The following DPH6 variants were observed in gnomAD, a reference collection of about 807,000 sequenced individuals.
The protein encoded by DPH6 is diphthamine biosynthesis 6.
DPH6 carries 33 observed loss-of-function variants against 38.2 expected under a neutral mutation model. That is an observed-to-expected ratio of 0.86 (90% CI 0.65 to 1.15). The LOEUF is 1.15. Ranked by LOEUF, DPH6 falls within the 50% of genes most tolerant of loss-of-function variation. The pLI is 0.00. For synonymous variants in DPH6, 108 were observed against 103.0 expected (o/e 1.05, Z -0.30); for missense variants, 325 against 320.0 (o/e 1.02, Z -0.12).
At chr15:35,168,180 C>T in the DPH6 span, among the ~76,000 whole-genome samples, 4 of 152,114 alleles carry the variant, frequency 2.6e-5, no homozygotes, top group East Asian at 7.7e-4. Flanking sequence ...AATTTTAATA[C>T]TGACAATTTT....
chr15:35,284,495 GAA>G (rs955902761), intron 3 of DPH6, among the ~76,000 whole-genome samples: 3 of 151,306 alleles, frequency 2.0e-5, no homozygotes, highest in African/African-American at 4.8e-5. Flanking sequence ...TTAATGAAAA[GAA>G]AAAAGTGAGA....
chr15:35,242,894 C>T lies in DPH6; in HGVS notation n.201-22312G>A, dbSNP rs1469248715. 7.7e-5 allele frequency among the ~76,000 whole-genome samples: 11 copies of T among 142,382 alleles called. 1 individual carries two copies. Among genetic ancestry groups the T allele is most frequent in the Non-Finnish European group, 1.2e-4 (8 of 65,182 alleles). The allele number at this position is 142,382 out of a possible 152,430, so 93.4% of individuals were successfully genotyped here. Reference sequence around the variant, plus strand: ...TATTCACCGTTCTCAACTACTCATACATGCCCTGCTCTTGTTTACACTGCC... The same window carrying T: ...TATTCACCGTTCTCAACTACTCATATATGCCCTGCTCTTGTTTACACTGCC... On this transcript the variant is annotated intron_variant and non_coding_transcript_variant, in intron 3 of 3. Coordinates refer to the DPH6 transcript ENST00000560386.
At chr15:35,179,784 A>C in the DPH6 span, among the ~76,000 whole-genome samples, 1 of 152,208 alleles carries the variant, frequency 6.6e-6, no homozygotes, top group African/African-American at 2.4e-5. Flanking sequence ...GGGAGACAAG[A>C]CCAGCTCTAT....
At chr15:35,507,132 TA>T (rs1361766096) in intron 3 of DPH6, among the ~76,000 whole-genome samples, 1 of 151,490 alleles carries the variant, frequency 6.6e-6, no homozygotes, top group Non-Finnish European at 1.5e-5. Context: ...AATCAGACAG[TA>T]ATATCTATAT....
Position 35,515,708 on chromosome 15 carries a change from G to A in DPH6, c.312+22566C>T, listed in dbSNP as rs184622110. Among the ~76,000 whole-genome samples, 283 of 123,842 alleles carry A rather than the reference G, an allele frequency of 2.3e-3. 3 individuals are homozygous for A. Among genetic ancestry groups the A allele is most frequent in the African/African-American group, 8.3e-3 (269 of 32,472 alleles). 81.2% of individuals were successfully genotyped at this position (123,842 alleles called of 152,430 possible). ...TACACTCTGGCCTGGGCGTCAGAGC[G>A]AGACTCCGTCTCAGAAAAAAAAAAA... On this transcript the variant is annotated intron_variant, in intron 3 of 8. Coordinates refer to ENST00000256538, the MANE Select transcript of DPH6 (RefSeq NM_080650.4).
In DPH6 at chr15:35,397,689, A is replaced by T. The variant is rs116748281; in HGVS notation, c.567+13146T>A. On this transcript the variant is annotated intron_variant, in intron 6 of 8. Transcript: ENST00000256538. ...GAGGGAAAGAAAAAGGGCACTAATT[A>T]ACAAGCAGTCAGATTCTTAGGTCCC... 4.7e-3 allele frequency among the ~76,000 whole-genome samples: 710 copies of T among 152,194 alleles called. 5 individuals carry two copies. Among genetic ancestry groups the T allele is most frequent in the African/African-American group, 0.016 (675 of 41,526 alleles).
At chr15:35,194,322 TA>T in the DPH6 span, among the ~76,000 whole-genome samples, 1 of 151,856 alleles carries the variant, frequency 6.6e-6, no homozygotes, top group African/African-American at 2.4e-5. Flanking sequence ...AAAGATAATA[TA>T]TGAATACAGG....
At chr15:35,542,976 C>A (rs1316838297) in intron 1 of DPH6, among the ~76,000 whole-genome samples, 9 of 17,052 alleles carry the variant, frequency 5.3e-4, no homozygotes, top group South Asian at 3.6e-3. Context: ...AAAATAATTT[C>A]ATAGAAATTA....
chr15:35,260,698 T>C (rs1824726735), intron 3 of DPH6, among the ~76,000 whole-genome samples: 1 of 152,198 alleles, frequency 6.6e-6, no homozygotes, highest in South Asian at 2.1e-4. Flanking sequence ...CCTACTTCTT[T>C]TTTTTACCTC....
chr15:35,363,135 C>G (rs896990745), intron 3 of DPH6, among the ~76,000 whole-genome samples: 1 of 151,912 alleles, frequency 6.6e-6, no homozygotes, highest in Non-Finnish European at 1.5e-5. Flanking sequence ...CATTGTGTTT[C>G]TATGTTTGTA....
chr15:35,256,838 T>C (rs1312095288), intron 3 of DPH6, among the ~76,000 whole-genome samples: 1 of 152,168 alleles, frequency 6.6e-6, no homozygotes, highest in Non-Finnish European at 1.5e-5. Context: ...AGCAAGCATA[T>C]CTGGTATGTG....
intron 3 of DPH6, among the ~76,000 whole-genome samples, chr15:35,309,493 T>C (rs533351070): frequency 6.6e-6 from 1 of 152,308 alleles, no homozygotes; most frequent in South Asian, 2.1e-4. Context: ...TCACTCCTAA[T>C]GAAAATTAGT....
At chr15:35,530,254 G>A (rs2055066767) in intron 3 of DPH6, among the ~76,000 whole-genome samples, 1 of 152,032 alleles carries the variant, frequency 6.6e-6, no homozygotes, top group African/African-American at 2.4e-5. Context: ...CACAACTCCA[G>A]AAGGAGACAT....
rs181234702 is a variant in DPH6 at position 35,291,028 on chromosome 15, A to G, written n.201-70446T>C. On this transcript the variant is annotated intron_variant and non_coding_transcript_variant, in intron 3 of 3. Transcript: ENST00000560386. ...AAACCATTAGCCAAAAACTAACCTA[A>G]CATTCAAAGAAGTGAATGCAGGAGC... Among the ~76,000 whole-genome samples, 464 of 152,244 alleles carry G rather than the reference A, an allele frequency of 3.0e-3. 4 individuals carry two copies. The highest frequency in any genetic ancestry group is 8.2e-3 in the Admixed American group (126 of 15,300).
At chr15:35,502,933 T>TAA (rs2054646381) in intron 3 of DPH6, among the ~76,000 whole-genome samples, 1 of 147,712 alleles carries the variant, frequency 6.8e-6, no homozygotes, top group Non-Finnish European at 1.5e-5. Context: ...ATTATATATA[T>TAA]AAATATATAT....
the DPH6 span, among the ~76,000 whole-genome samples, chr15:35,212,338 T>G: frequency 1.3e-5 from 2 of 152,132 alleles, no homozygotes; most frequent in Admixed American, 1.3e-4. Flanking sequence ...CAGAATTTTG[T>G]TAGAGGTCAA....
intron 6 of DPH6, among the ~76,000 whole-genome samples, chr15:35,392,848 TAA>T (rs1413177750): frequency 6.6e-6 from 1 of 152,064 alleles, no homozygotes; most frequent in Non-Finnish European, 1.5e-5. Context: ...AGAGAGAAGG[TAA>T]GAGAGAAGGA....
chr15:35,205,850 C>T, the DPH6 span, among the ~76,000 whole-genome samples: 4 of 151,946 alleles, frequency 2.6e-5, no homozygotes, highest in Non-Finnish European at 5.9e-5. Context: ...ATAACAAATC[C>T]ACAATTTAAA....
chr15:35,304,161 T>C (rs898584967), intron 3 of DPH6, among the ~76,000 whole-genome samples: 3 of 152,144 alleles, frequency 2.0e-5, no homozygotes, highest in African/African-American at 4.8e-5. Context: ...TAATATAGGC[T>C]AGCCAAAACC....
Sources: allele counts gnomAD v4.1 joint callset (sites outside exome capture counted in the v4.1 genomes callset), GRCh38; gene constraint gnomAD v4.1.1; transcripts MANE v1.5; gene names NCBI Gene and HGNC (gene_info 2026-07-23, HGNC 2026-07-21).